Variants in DPYSL5 observed in about 807,000 individuals in gnomAD.
DPYSL5 encodes the protein dihydropyrimidinase-related protein 5.
Under a neutral mutation model 58.4 loss-of-function variants are expected in DPYSL5, and 9 were observed. That is an observed-to-expected ratio of 0.15 (90% CI 0.09 to 0.27). The LOEUF (loss-of-function observed/expected upper bound fraction) is 0.27. Among genes scored for constraint, DPYSL5 ranks in the 10% least tolerant of loss-of-function variants. The pLI is 1.00. For missense variants in DPYSL5, 499 were observed against 770.6 expected (o/e 0.65, Z 4.17); for synonymous variants, 293 against 301.9 (o/e 0.97, Z 0.31).
At position 26,942,897 on chromosome 2, in the gene DPYSL5, C is replaced by A; in HGVS notation, c.1440+147C>A. 2 of 919,756 alleles carry A rather than the reference C, an allele frequency of 2.2e-6. No individual in the cohort carries two copies. Among genetic ancestry groups the A allele is most frequent in the East Asian group, 2.7e-5 (1 of 37,368 alleles). 57.0% of individuals were successfully genotyped at this position (919,756 alleles called of 1,614,324 possible). ...TCTCCAGCGTTGAGAGGGGAGTGTG[C>A]GGCAGCGCCAGGGAACGCTAGAGTC... On this transcript the variant is annotated intron_variant, in intron 11 of 12. Transcript: ENST00000288699. The surrounding 1 kb of genome is among the most constrained non-coding windows in gnomAD (Gnocchi z 5.9).
chr2:26,916,622 C>T (rs1451009108), intron 2 of DPYSL5, among the ~76,000 whole-genome samples: 2 of 152,210 alleles, frequency 1.3e-5, no homozygotes, highest in Admixed American at 1.3e-4. Flanking sequence ...AACTGTGCCC[C>T]CGACTTTGCT....
chr2:26,861,824 T>C (rs1166676417), intron 1 of DPYSL5, among the ~76,000 whole-genome samples: 2 of 152,226 alleles, frequency 1.3e-5, no homozygotes, highest in Non-Finnish European at 2.9e-5. Flanking sequence ...GTGACCTGCT[T>C]CTAACTAATA....
At chr2:26,932,115 A>AGAG (rs1481729901) in intron 6 of DPYSL5, among the ~76,000 whole-genome samples, 2 of 142,040 alleles carry the variant, frequency 1.4e-5, no homozygotes, top group African/African-American at 2.7e-5. Context: ...AAGAAAAGAA[A>AGAG]AAAGAAAGAG....
At chr2:26,876,332 C>T (rs1443974199) in intron 1 of DPYSL5, among the ~76,000 whole-genome samples, 3 of 152,152 alleles carry the variant, frequency 2.0e-5, no homozygotes, top group Admixed American at 6.5e-5. Context: ...TCACTGGGTG[C>T]GTCCCAGTGC....
intron 1 of DPYSL5, among the ~76,000 whole-genome samples, chr2:26,890,007 A>G (rs1663832466): frequency 6.6e-6 from 1 of 152,222 alleles, no homozygotes; most frequent in African/African-American, 2.4e-5. Flanking sequence ...CGGGGTTAGC[A>G]TCTTGGGGAC....
chr2:26,948,411 G>C lies in DPYSL5; in HGVS notation c.*1416G>C, dbSNP rs1665544794. On this transcript the variant is annotated 3_prime_UTR_variant, in exon 13 of 13. Coordinates refer to ENST00000288699, the MANE Select transcript of DPYSL5 (RefSeq NM_020134.4). ...CACAGAAGTTCCCATGGAAACACTA[G>C]AGGCCGGGTGTCTCCTTCCACCTCC... is the stretch of plus-strand genomic sequence containing the variant. 1 of 152,382 alleles carries C rather than the reference G, an allele frequency of 6.6e-6. No individual in the cohort carries two copies. The highest frequency in any genetic ancestry group is 1.5e-5 in the Non-Finnish European group (1 of 68,148). The allele number at this position is 152,382 out of a possible 1,614,324, so 9.4% of individuals were successfully genotyped here. A position where few individuals can be genotyped will look rare whatever the true frequency, so the allele number is the denominator to read the frequency against.
At chr2:26,893,312 G>T (rs1663935049) in intron 1 of DPYSL5, among the ~76,000 whole-genome samples, 1 of 152,220 alleles carries the variant, frequency 6.6e-6, no homozygotes, top group Admixed American at 6.5e-5. Context: ...CAGGAGAACA[G>T]GCTATGATCT....
In DPYSL5 at chr2:26,942,801, A is replaced by G; in HGVS notation, c.1440+51A>G. 1 of 1,585,400 alleles carries G rather than the reference A, an allele frequency of 6.3e-7. No individual in the cohort carries two copies. The highest frequency in any genetic ancestry group is 8.6e-7 in the Non-Finnish European group (1 of 1,156,592). ...GGGTGTTGGCGCCCCCTGCCGGGGA[A>G]CATCCTCCATGACTGTTTTAAATCT... is the stretch of plus-strand genomic sequence containing the variant. On this transcript the variant is annotated intron_variant, in intron 11 of 12. Coordinates refer to ENST00000288699, the MANE Select transcript of DPYSL5 (RefSeq NM_020134.4). The surrounding 1 kb of genome is among the most constrained non-coding windows in gnomAD (Gnocchi z 5.9).
At chr2:26,907,819 A>T (rs1217823614) in intron 2 of DPYSL5, among the ~76,000 whole-genome samples, 1 of 152,178 alleles carries the variant, frequency 6.6e-6, no homozygotes, top group East Asian at 1.9e-4. Flanking sequence ...TCCCATGTTA[A>T]GTTTGTTTCT....
rs1663443160 is a variant in DPYSL5 at position 26,877,467 on chromosome 2, T to G, written c.-4-21029T>G. Among the ~76,000 whole-genome samples the G allele has an allele frequency of 6.6e-6, 1 of 152,156 alleles. No homozygotes were observed. Among genetic ancestry groups the G allele is most frequent in the Non-Finnish European group, 1.5e-5 (1 of 68,040 alleles). ...ATTCCTGTTTTCTGTGCCTACTACA[T>G]GTGCTCCACCCCACACCTGCTGAGT... is the stretch of plus-strand genomic sequence containing the variant. On this transcript the variant is annotated intron_variant, in intron 1 of 12. Transcript: ENST00000288699. The surrounding 1 kb of genome is among the most constrained non-coding windows in gnomAD (Gnocchi z 4.1).
intron 2 of DPYSL5, among the ~76,000 whole-genome samples, chr2:26,903,226 C>T (rs1464287784): frequency 6.6e-6 from 1 of 152,182 alleles, no homozygotes; most frequent in Non-Finnish European, 1.5e-5. Flanking sequence ...CACACCACCA[C>T]ATCTGGCTAA....
At chr2:26,894,052 C>A (rs1663954558) in intron 1 of DPYSL5, among the ~76,000 whole-genome samples, 1 of 148,390 alleles carries the variant, frequency 6.7e-6, no homozygotes, top group African/African-American at 2.5e-5. Context: ...ATAAATATAA[C>A]AATTTTATAT....
chr2:26,947,092 GCACA>G lies in DPYSL5; in HGVS notation c.*99_*102del. ...GGGGCAGGAGAGGCTGGGCTGGGTG[GCACA>G]CCACCCGAGGGGGGCCCCGGGACCC... On this transcript the variant is annotated 3_prime_UTR_variant, in exon 13 of 13. Coordinates refer to ENST00000288699, the MANE Select transcript of DPYSL5 (RefSeq NM_020134.4). The surrounding 1 kb of genome is among the most constrained non-coding windows in gnomAD (Gnocchi z 4.2). 1 of 1,118,028 alleles carries G rather than the reference GCACA, an allele frequency of 8.9e-7. No individual in the cohort carries two copies. The highest frequency in any genetic ancestry group is 1.3e-6 in the Non-Finnish European group (1 of 763,606). 69.3% of individuals were successfully genotyped at this position (1,118,028 alleles called of 1,614,324 possible). A position where few individuals can be genotyped will look rare whatever the true frequency, so the allele number is the denominator to read the frequency against.
Position 26,942,169 on chromosome 2 carries a change from G to T in DPYSL5, c.1232+77G>T. 1 of 1,582,350 alleles carries T rather than the reference G, an allele frequency of 6.3e-7. No homozygotes were observed. The highest frequency in any genetic ancestry group is 1.4e-5 in the African/African-American group (1 of 73,522). Reference sequence around the variant, plus strand: ...AGACTTGCATTACAGATCTCCAAAAGCATATAATTTTGCACTATTTCTAGC... The same window carrying T: ...AGACTTGCATTACAGATCTCCAAAATCATATAATTTTGCACTATTTCTAGC... On this transcript the variant is annotated intron_variant, in intron 10 of 12. Coordinates refer to ENST00000288699, the MANE Select transcript of DPYSL5 (RefSeq NM_020134.4). This position sits in a 1 kb window ranked among gnomAD's most constrained non-coding sequence, Gnocchi z 5.9.
chr2:26,892,330 T>C lies in DPYSL5; in HGVS notation c.-4-6166T>C, dbSNP rs116097829. Among the ~76,000 whole-genome samples the C allele has an allele frequency of 3.3e-3, 507 of 152,332 alleles. 1 individual carries two copies. The highest frequency in any genetic ancestry group is 0.012 in the African/African-American group (486 of 41,560). On this transcript the variant is annotated intron_variant, in intron 1 of 12. Transcript: ENST00000288699. The stretch of plus-strand genomic sequence containing the variant: ...GCTCTTACTTCTATTGAAGATGATG[T>C]CCTTGGCTTTCGATTCTAGCATCAA...
chr2:26,891,570 A>G (rs1381444497), intron 1 of DPYSL5, among the ~76,000 whole-genome samples: 2 of 152,190 alleles, frequency 1.3e-5, no homozygotes, highest in East Asian at 3.9e-4. Flanking sequence ...TCCCTCACCC[A>G]TCTCCTTTCA....
chr2:26,946,948 G>C lies in DPYSL5; in HGVS notation c.1648G>C (p.Ala550Pro). ...TGACCATGTTCCAAAGCGAGCTTCAGCTCGGATCCTCGCTCCTCCCGGAGG... is the reference window on the plus strand; with the variant it reads ...TGACCATGTTCCAAAGCGAGCTTCACCTCGGATCCTCGCTCCTCCCGGAGG... ...IDDHVPKRAS[A>P]RILAPPGGRS... Residue 550 changes from alanine (A) to proline (P), a missense_variant, in exon 13 of 13, where the codon GCT becomes CCT. This residue lies in a region of DPYSL5 where 33 missense variants were observed against 63.8 expected (regional missense o/e 0.52). Transcript: ENST00000288699. The C allele has an allele frequency of 1.2e-6, 2 of 1,614,144 alleles. No individual in the cohort carries two copies. The highest frequency in any genetic ancestry group is 1.7e-6 in the Non-Finnish European group (2 of 1,179,980).
chr2:26,861,705 T>A (rs891844832), intron 1 of DPYSL5, among the ~76,000 whole-genome samples: 14 of 152,200 alleles, frequency 9.2e-5, no homozygotes, highest in Non-Finnish European at 1.9e-4. Flanking sequence ...TGGACATGTT[T>A]TCTCTCTAAG....
In DPYSL5 at chr2:26,925,110, G is replaced by A; in HGVS notation, c.420+65G>A. ...GTCTTGTAGGCAGAGGGGCTGGTTG[G>A]GGTGCAGTGCCTCCTGCTTGTGTGG... On this transcript the variant is annotated intron_variant, in intron 3 of 12. Transcript: ENST00000288699. This position sits in a 1 kb window ranked among gnomAD's most constrained non-coding sequence, Gnocchi z 4.5. 1 of 1,574,110 alleles carries A rather than the reference G, an allele frequency of 6.4e-7. No individual in the cohort carries two copies. Among genetic ancestry groups the A allele is most frequent in the South Asian group, 1.2e-5 (1 of 84,828 alleles).
Sources: allele counts gnomAD v4.1 joint callset (sites outside exome capture counted in the v4.1 genomes callset), GRCh38; gene constraint gnomAD v4.1.1; regional missense constraint gnomAD v4.1.1; non-coding constraint Gnocchi (gnomAD v3.1); transcripts MANE v1.5; gene names NCBI Gene and HGNC (gene_info 2026-07-23, HGNC 2026-07-21).